ECM2: variants seen among roughly 807,000 people sequenced by gnomAD.
ECM2 encodes extracellular matrix protein 2, female organ and adipocyte specific.
Under a neutral mutation model 67.5 loss-of-function variants are expected in ECM2, and 57 were observed. The ratio of observed to expected loss-of-function variants is 0.84; its 90% CI spans 0.68 to 1.05. The LOEUF (loss-of-function observed/expected upper bound fraction) is 1.05, where lower values mean the gene tolerates loss of function less well. ECM2 is among the 50% of genes least tolerant of loss of function. The pLI, the probability that ECM2 is intolerant of heterozygous loss-of-function variation, is 0.00. For missense variants in ECM2, 741 were observed against 822.8 expected, an observed-to-expected ratio of 0.90 and a Z score of 1.22; for synonymous variants, 258 against 294.5, an observed-to-expected ratio of 0.88 and a Z score of 1.27.
At chr9:92,555,322 G>C in the ECM2 span, among the ~76,000 whole-genome samples, 1 of 143,014 alleles carries the variant, frequency 7.0e-6, no homozygotes, top group Admixed American at 7.3e-5. Flanking sequence ...TGCCTCCCAG[G>C]TTCAAGCGAT....
downstream of ECM2, chr9:92,494,044 G>C: frequency 6.3e-7 from 1 of 1,589,724 alleles, no homozygotes; most frequent in Non-Finnish European, 8.5e-7. Flanking sequence ...CACAGCACTT[G>C]CCTGCTTACT....
intron 1 of ECM2, among the ~76,000 whole-genome samples, chr9:92,523,680 G>A (rs1246559607): frequency 6.6e-6 from 1 of 152,218 alleles, no homozygotes; most frequent in Non-Finnish European, 1.5e-5. Flanking sequence ...TCTCCTTTGT[G>A]CTTAAACAGC....
Position 92,513,472 on chromosome 9 carries a change from A to G in ECM2, c.1054+1159T>C, listed in dbSNP as rs566363950. Among the ~76,000 whole-genome samples, 4 of 152,326 alleles carry G rather than the reference A, an allele frequency of 2.6e-5. No individual in the cohort carries two copies. In the East Asian group the frequency reaches 7.7e-4, roughly 29 times the overall value. ...CATTGCCCTAGAGAAATGAACACTTAGGTCCACACAAACATCTGTACGTGG... is the reference window on the plus strand; with the variant it reads ...CATTGCCCTAGAGAAATGAACACTTGGGTCCACACAAACATCTGTACGTGG... On this transcript the variant is annotated intron_variant, in intron 4 of 9. Transcript: ENST00000344604.
At chr9:92,535,781 A>T (rs1849132910) in intron 1 of ECM2, among the ~76,000 whole-genome samples, 152 bp downstream of exon 1, 1 of 152,204 alleles carries the variant, frequency 6.6e-6, no homozygotes, top group Non-Finnish European at 1.5e-5. Flanking sequence ...CATCGTGAAA[A>T]AAACAAACAG....
At chr9:92,520,933 A>G (rs949884735) in intron 2 of ECM2, among the ~76,000 whole-genome samples, 3 of 152,204 alleles carry the variant, frequency 2.0e-5, no homozygotes, top group Non-Finnish European at 4.4e-5. Flanking sequence ...AGAACAGATT[A>G]GTGGTTGCCA....
chr9:92,505,729 A>G (rs765230965), intron 6 of ECM2, 39 bp from the exon 7 acceptor site: 2 of 1,482,932 alleles, frequency 1.3e-6, no homozygotes, highest in South Asian at 2.6e-5. Context: ...AGGATAATTG[A>G]AAAACCATGC....
the ECM2 span, among the ~76,000 whole-genome samples, chr9:92,546,834 A>C: frequency 2.0e-5 from 3 of 152,186 alleles, no homozygotes; most frequent in Non-Finnish European, 4.4e-5. Flanking sequence ...GAATCAGAAA[A>C]TCTAAATTGT....
the ECM2 span, among the ~76,000 whole-genome samples, chr9:92,559,010 G>A: frequency 1.3e-5 from 2 of 152,174 alleles, no homozygotes; most frequent in African/African-American, 4.8e-5. Context: ...CTGTTTCCAA[G>A]CAGAGGGCAA....
chr9:92,502,415 C>T, intron 8 of ECM2, 98 bp downstream of exon 8: 1 of 1,440,538 alleles, frequency 6.9e-7, no homozygotes, highest in Non-Finnish European at 9.6e-7. Flanking sequence ...AGTATCGTCA[C>T]CTCCCTCACT....
At chr9:92,500,125 A>G (rs1564356042) in intron 9 of ECM2, among the ~76,000 whole-genome samples, 2 of 152,202 alleles carry the variant, frequency 1.3e-5, no homozygotes, top group Non-Finnish European at 2.9e-5. Context: ...AACATAATCT[A>G]TTGCTTTGAA....
At chr9:92,519,123 C>T (rs894509595) in intron 2 of ECM2, among the ~76,000 whole-genome samples, 1 of 152,166 alleles carries the variant, frequency 6.6e-6, no homozygotes, top group African/African-American at 2.4e-5. Flanking sequence ...TTAGTCCCCT[C>T]CTTTCCCCGA....
At chr9:92,505,205 T>A (rs993790234) in intron 7 of ECM2, among the ~76,000 whole-genome samples, 1 of 152,204 alleles carries the variant, frequency 6.6e-6, no homozygotes, top group African/African-American at 2.4e-5. Flanking sequence ...CATTTCTAGA[T>A]TGGGGCAGTT....
the ECM2 span, among the ~76,000 whole-genome samples, chr9:92,549,868 G>A: frequency 1.3e-5 from 2 of 152,148 alleles, no homozygotes; most frequent in African/African-American, 4.8e-5. Context: ...TCAGGAGCCA[G>A]GCTTAGTAAT....
At chr9:92,497,749 T>C (rs1233356554) in intron 9 of ECM2, among the ~76,000 whole-genome samples, 1 of 151,164 alleles carries the variant, frequency 6.6e-6, no homozygotes, top group South Asian at 2.1e-4. Flanking sequence ...GTGTTGGAGG[T>C]GGTGCTTAAT....
At position 92,514,864 on chromosome 9, in the gene ECM2, T is replaced by C. The variant is rs768427718; in HGVS notation, c.821A>G (p.Asp274Gly). Residue 274 changes from aspartate (D) to glycine (G), a missense_variant, in exon 4 of 10, where the codon GAT becomes GGT. Physicochemically the swap from Asp to Gly is moderately conservative, Grantham distance 94. Transcript: ENST00000344604. ...ACCCTCCTCACCCTCCTCCTCCTCATCCTCCTCCTCCTCCCTTCCTTGGCG... is the reference window on the plus strand; with the variant it reads ...ACCCTCCTCACCCTCCTCCTCCTCACCCTCCTCCTCCTCCCTTCCTTGGCG... ...QQRQGREEEE[D>G]EEEEGEEGEE... is the part of the protein sequence containing the mutation. 4 of 1,603,840 alleles carry C rather than the reference T, an allele frequency of 2.5e-6. No individual in the cohort carries two copies. The highest frequency in any genetic ancestry group is 1.1e-5 in the South Asian group (1 of 90,022).
chr9:92,494,742 A>G (rs1194904168), downstream of ECM2, among the ~76,000 whole-genome samples: 1 of 152,108 alleles, frequency 6.6e-6, no homozygotes, highest in East Asian at 1.9e-4. Context: ...CCCCATCTCT[A>G]TTAAAAATAC....
chr9:92,548,451 A>C, the ECM2 span, among the ~76,000 whole-genome samples: 2 of 152,236 alleles, frequency 1.3e-5, no homozygotes, highest in African/African-American at 4.8e-5. Flanking sequence ...CCAGGATATT[A>C]AAGATTTTAT....
At chr9:92,499,499 G>A (rs2131146678) in intron 9 of ECM2, among the ~76,000 whole-genome samples, 1 of 152,302 alleles carries the variant, frequency 6.6e-6, no homozygotes, top group South Asian at 2.1e-4. Context: ...GTTCAATGAT[G>A]GAGGAGTAAA....
Position 92,526,055 on chromosome 9 carries a change from G to A in ECM2, c.-27-3162C>T, listed in dbSNP as rs73522323. Among the ~76,000 whole-genome samples, 888 of 151,868 alleles carry A rather than the reference G, an allele frequency of 5.8e-3. 8 individuals are homozygous for A. Among genetic ancestry groups the A allele is most frequent in the African/African-American group, 0.02 (832 of 41,402 alleles). On this transcript the variant is annotated intron_variant, in intron 1 of 9. Coordinates refer to ENST00000344604, the MANE Select transcript of ECM2 (RefSeq NM_001393.4). The stretch of plus-strand genomic sequence containing the variant: ...ATCTATTTAAACAAACATTAACTGC[G>A]CAACAGCCTGAGGTGGTTCCTTCAG...
Sources: gnomAD v4.1 joint callset for allele counts (sites outside exome capture counted in the v4.1 genomes callset) on GRCh38, gnomAD v4.1.1 for gene constraint, MANE v1.5 for transcripts, NCBI Gene and HGNC (gene_info 2026-07-23, HGNC 2026-07-21) for gene names.